The following TMEM51 variants were observed in gnomAD, a reference collection of about 807,000 sequenced individuals.
TMEM51 encodes the protein transmembrane protein 51.
In TMEM51, 8 loss-of-function variants were observed where a neutral mutation model predicts 13.6. That is an observed-to-expected ratio of 0.59 (90% CI 0.35 to 1.07). The LOEUF is 1.07. TMEM51 is among the 50% of genes least tolerant of loss of function. The probability of loss-of-function intolerance (pLI) is 0.02; values close to 1 mark genes in which losing one functional copy is unlikely to be tolerated. For missense variants in TMEM51, 279 were observed against 330.7 expected (o/e 0.84, Z 1.21); for synonymous variants, 147 against 144.4 (o/e 1.02, Z -0.13).
chr1:15,196,832 G>C (rs1209909914), intron 1 of TMEM51, among the ~76,000 whole-genome samples: 1 of 152,190 alleles, frequency 6.6e-6, no homozygotes, highest in African/African-American at 2.4e-5. Context: ...CAGCTAGTTG[G>C]CCCTGGGATG....
chr1:15,214,882 G>T lies in TMEM51; in HGVS notation c.-193-13G>T. 1 of 581,524 alleles carries T rather than the reference G, an allele frequency of 1.7e-6. No individual in the cohort carries two copies. The allele number at this position is 581,524 out of a possible 1,614,324, so 36.0% of individuals were successfully genotyped here. ...ACTGATCGTCCTCTCTGCTCTTTCT[G>T]CTTTCCTTCCAGGCCCTTCCACCGC... On this transcript the variant is annotated splice_polypyrimidine_tract_variant and intron_variant, in intron 2 of 3. Coordinates refer to ENST00000376008, the MANE Select transcript of TMEM51 (RefSeq NM_001136218.2).
At chr1:15,188,185 T>A (rs1643844081) in intron 1 of TMEM51, among the ~76,000 whole-genome samples, 1 of 152,200 alleles carries the variant, frequency 6.6e-6, no homozygotes, top group African/African-American at 2.4e-5. Flanking sequence ...AGCTCCCTGC[T>A]GGTCCCCTCC....
chr1:15,191,805 G>A (rs770841609), intron 1 of TMEM51: 111 of 380,854 alleles, frequency 2.9e-4, no homozygotes, highest in Non-Finnish European at 4.3e-4. Flanking sequence ...ATATTTTTGA[G>A]AGCTGATGTT....
chr1:15,171,465 G>GC, intron 1 of TMEM51: 1 of 628,186 alleles, frequency 1.6e-6, no homozygotes, highest in South Asian at 2.0e-5. Context: ...TCTACAGCCA[G>GC]CCGTTGTCTG....
chr1:15,186,656 G>C (rs1354585031), intron 1 of TMEM51, among the ~76,000 whole-genome samples: 1 of 152,220 alleles, frequency 6.6e-6, no homozygotes, highest in African/African-American at 2.4e-5. Context: ...ACCCAGGCCT[G>C]AGGGGAGTGG....
chr1:15,181,417 G>A (rs1231290713), intron 1 of TMEM51, among the ~76,000 whole-genome samples: 1 of 152,206 alleles, frequency 6.6e-6, no homozygotes, highest in Non-Finnish European at 1.5e-5. Context: ...GTGGCAACAG[G>A]TGTAGCAAAA....
At chr1:15,182,384 G>A (rs540780574) in intron 1 of TMEM51, among the ~76,000 whole-genome samples, 15 of 152,232 alleles carry the variant, frequency 9.9e-5, no homozygotes, top group African/African-American at 1.4e-4. Flanking sequence ...TCGGACTGTC[G>A]TAAGATCAAG....
intron 1 of TMEM51, among the ~76,000 whole-genome samples, chr1:15,186,250 C>G (rs184961290): frequency 1.3e-5 from 2 of 152,298 alleles, no homozygotes; most frequent in Admixed American, 1.3e-4. Context: ...AGTTCTTGAG[C>G]AGGAAGTAAC....
chr1:15,193,575 C>CTTT (rs3078881), intron 1 of TMEM51, among the ~76,000 whole-genome samples: 1 of 114,654 alleles, frequency 8.7e-6, no homozygotes, highest in Non-Finnish European at 1.7e-5. Context: ...TTCTTTCTTT[C>CTTT]TTTTTTTTTT....
Position 15,177,983 on chromosome 1 carries a change from G to A in TMEM51, c.-267+24029G>A, listed in dbSNP as rs1205999454. 3.3e-5 allele frequency among the ~76,000 whole-genome samples: 5 copies of A among 152,216 alleles called. No individual in the cohort carries two copies. The East Asian group carries it at 9.6e-4, about 29-fold the overall frequency. On this transcript the variant is annotated intron_variant, in intron 1 of 3. Coordinates refer to ENST00000376008, the MANE Select transcript of TMEM51 (RefSeq NM_001136218.2). ...CTTATCAAACCCTTTTCATGGCCCA[G>A]CTGAAATGACACACTGACGTTCACC...
chr1:15,217,435 C>T lies in TMEM51; in HGVS notation c.345-1891C>T, dbSNP rs147797146. Among the ~76,000 whole-genome samples the T allele has an allele frequency of 4.6e-3, 701 of 152,150 alleles. 3 individuals are homozygous for T. The highest frequency in any genetic ancestry group is 5.9e-3 in the Non-Finnish European group (404 of 68,008). ...TTCTGATAGCAAAGAATAATATATG[C>T]TGTATTGGTCAGGGTTCTCCAGAGA... On this transcript the variant is annotated intron_variant, in intron 3 of 3. Transcript: ENST00000376008.
At chr1:15,165,686 T>C (rs1316498333) in intron 1 of TMEM51, among the ~76,000 whole-genome samples, 2 of 152,210 alleles carry the variant, frequency 1.3e-5, no homozygotes, top group Non-Finnish European at 2.9e-5. Flanking sequence ...TTTTTTATAA[T>C]AGCAATAAAA....
At chr1:15,204,275 T>C (rs1389405537) in intron 1 of TMEM51, among the ~76,000 whole-genome samples, 2 of 152,170 alleles carry the variant, frequency 1.3e-5, no homozygotes, top group South Asian at 2.1e-4. Context: ...CCACCTAGGC[T>C]GGGTGAGGTG....
At position 15,198,290 on chromosome 1, in the gene TMEM51, C is replaced by T. The variant is rs144360199; in HGVS notation, c.-266-12200C>T. 1.2e-3 allele frequency among the ~76,000 whole-genome samples: 182 copies of T among 152,310 alleles called. 5 individuals are homozygous for T. The East Asian group carries it at 0.024, about 20-fold the overall frequency. On this transcript the variant is annotated intron_variant, in intron 1 of 3. Coordinates refer to ENST00000376008, the MANE Select transcript of TMEM51 (RefSeq NM_001136218.2). ...TGGCCAGAACTTAGTCACATGCAAC[C>T]GCTAGTGAGCTGCCTAAGAGGCTGG...
intron 2 of TMEM51, among the ~76,000 whole-genome samples, chr1:15,211,532 C>T (rs1339202273): frequency 6.6e-6 from 1 of 152,096 alleles, no homozygotes; most frequent in Admixed American, 6.5e-5. Flanking sequence ...TCATAACTCC[C>T]CTATGAGGTA....
intron 1 of TMEM51, among the ~76,000 whole-genome samples, chr1:15,165,462 A>C (rs1258395503): frequency 1.3e-5 from 2 of 152,254 alleles, no homozygotes; most frequent in Non-Finnish European, 2.9e-5. Context: ...ATTTTAATTT[A>C]AATAATGCTA....
At position 15,215,010 on chromosome 1, in the gene TMEM51, G is replaced by A. The variant is rs199517665; in HGVS notation, c.-78G>A. 2.3e-4 allele frequency: 313 copies of A among 1,334,372 alleles called. 3 individuals are homozygous for A. The East Asian group carries it at 6.8e-3, about 29-fold the overall frequency. The allele number at this position is 1,334,372 out of a possible 1,614,324, so 82.7% of individuals were successfully genotyped here. On this transcript the variant is annotated 5_prime_UTR_variant, in exon 3 of 4. Coordinates refer to ENST00000376008, the MANE Select transcript of TMEM51 (RefSeq NM_001136218.2). ...GAGAGATTTTGTGGAGCGCATTTAA[G>A]GGGTTTTTGTTGTGACTGCTGCCTT...
upstream of TMEM51, chr1:15,153,608 G>A (rs1389342168): frequency 6.6e-6 from 1 of 152,062 alleles, no homozygotes. Context: ...GCGATCCCTC[G>A]CCTCGGGCCC....
chr1:15,190,664 C>T (rs1473386075), intron 1 of TMEM51, among the ~76,000 whole-genome samples: 1 of 152,062 alleles, frequency 6.6e-6, no homozygotes, highest in Non-Finnish European at 1.5e-5. Flanking sequence ...GGTAAAAGGG[C>T]CTTTGCAGGT....
Sources: allele counts gnomAD v4.1 joint callset (sites outside exome capture counted in the v4.1 genomes callset), GRCh38; gene constraint gnomAD v4.1.1; transcripts MANE v1.5; gene names NCBI Gene and HGNC (gene_info 2026-07-23, HGNC 2026-07-21).